Variants in VTA1 observed in about 807,000 individuals in gnomAD.
VTA1 encodes vesicle trafficking 1, also known as vacuolar protein sorting-associated protein VTA1 homolog.
A neutral mutation model predicts 36.9 loss-of-function variants in VTA1; 24 were observed. That is an observed-to-expected ratio of 0.65 (90% CI 0.47 to 0.91). The LOEUF (loss-of-function observed/expected upper bound fraction) is 0.91. Among genes scored for constraint, VTA1 ranks in the 40% least tolerant of loss-of-function variants. The pLI is 0.00. For synonymous variants in VTA1, 142 were observed against 130.2 expected (o/e 1.09, Z -0.62); for missense variants, 393 against 377.2 (o/e 1.04, Z -0.35).
intron 1 of VTA1, among the ~76,000 whole-genome samples, chr6:142,158,901 T>C (rs868023678): frequency 5.9e-5 from 9 of 152,306 alleles, no homozygotes; most frequent in Non-Finnish European, 8.8e-5. Context: ...TCCCCTCTCA[T>C]ATCCTTTGCC....
chr6:142,190,427 C>T (rs1466968086), intron 5 of VTA1, among the ~76,000 whole-genome samples: 1 of 151,784 alleles, frequency 6.6e-6, no homozygotes, highest in South Asian at 2.1e-4. Context: ...CTGTTCTGTA[C>T]CTGGCTATGT....
intron 4 of VTA1, among the ~76,000 whole-genome samples, chr6:142,170,774 C>T (rs1775015365): frequency 6.6e-6 from 1 of 151,958 alleles, no homozygotes; most frequent in African/African-American, 2.4e-5. Context: ...TCTGGGACTA[C>T]AGGCACAAGG....
At position 142,174,792 on chromosome 6, in the gene VTA1, C is replaced by T. The variant is rs151120202; in HGVS notation, c.411+4371C>T. The stretch of plus-strand genomic sequence containing the variant: ...CCATGGTAATAAGTGAGTTTTTGCC[C>T]TGTTATTTCACGTGAGAAGTGGTGG... On this transcript the variant is annotated intron_variant, in intron 4 of 7. Transcript: ENST00000367630. Among the ~76,000 whole-genome samples, 101 of 152,100 alleles carry T rather than the reference C, an allele frequency of 6.6e-4. No individual in the cohort carries two copies. In the East Asian group the frequency reaches 0.018, roughly 28 times the overall value.
chr6:142,217,561 T>C (rs1445636912), intron 7 of VTA1, among the ~76,000 whole-genome samples: 2 of 151,496 alleles, frequency 1.3e-5, no homozygotes, highest in East Asian at 1.9e-4. Context: ...TATTTGTGTA[T>C]ACACACACGC....
chr6:142,215,739 T>G (rs1404023251), intron 7 of VTA1, among the ~76,000 whole-genome samples: 2 of 152,242 alleles, frequency 1.3e-5, no homozygotes, highest in African/African-American at 4.8e-5. Flanking sequence ...TGGAAATATT[T>G]ACAAATAAGT....
intron 5 of VTA1, among the ~76,000 whole-genome samples, chr6:142,191,483 T>TA (rs1410039184): frequency 1.3e-5 from 2 of 152,246 alleles, no homozygotes; most frequent in South Asian, 2.1e-4. Flanking sequence ...TGTAGGCCCT[T>TA]ACGATTAATA....
intron 4 of VTA1, among the ~76,000 whole-genome samples, chr6:142,188,984 C>T (rs1775399761): frequency 6.6e-6 from 1 of 152,168 alleles, no homozygotes; most frequent in South Asian, 2.1e-4. Context: ...TTTGCTTTAA[C>T]CACCACATCT....
At chr6:142,165,496 T>G (rs1351962933) in intron 1 of VTA1, among the ~76,000 whole-genome samples, 1 of 152,234 alleles carries the variant, frequency 6.6e-6, no homozygotes, top group Non-Finnish European at 1.5e-5. Context: ...TAATGAAAAT[T>G]TGAGAGCTAC....
chr6:142,185,621 A>G (rs1205805045), intron 4 of VTA1, among the ~76,000 whole-genome samples: 10 of 152,214 alleles, frequency 6.6e-5, no homozygotes, highest in Admixed American at 6.5e-4. Flanking sequence ...TAATCTGGAA[A>G]AGTCAGTGCT....
At chr6:142,191,420 G>A (rs1341641142) in intron 5 of VTA1, among the ~76,000 whole-genome samples, 1 of 152,070 alleles carries the variant, frequency 6.6e-6, no homozygotes, top group Non-Finnish European at 1.5e-5. Flanking sequence ...TTTGAAAGTA[G>A]GAAGTGTGCA....
intron 4 of VTA1, among the ~76,000 whole-genome samples, chr6:142,189,083 T>G (rs865824497): frequency 9.8e-5 from 15 of 152,354 alleles, no homozygotes; most frequent in Non-Finnish European, 1.6e-4. Flanking sequence ...ATTTTTATAT[T>G]TAGTCTTAGA....
In VTA1 at chr6:142,156,225, A is replaced by T. The variant is rs77142029; in HGVS notation, c.112+8826A>T. Among the ~76,000 whole-genome samples, 951 of 152,056 alleles carry T rather than the reference A, an allele frequency of 6.3e-3. 12 individuals carry two copies. Among genetic ancestry groups the T allele is most frequent in the African/African-American group, 0.021 (885 of 41,492 alleles). ...AGACTCGAATAAACAAAGTCAGATT[A>T]AAAAAAACGGTTGAATGAAAAATTG... On this transcript the variant is annotated intron_variant, in intron 1 of 7. Transcript: ENST00000367630.
intron 4 of VTA1, among the ~76,000 whole-genome samples, chr6:142,178,308 AT>A (rs1475437758): frequency 1.3e-5 from 2 of 152,288 alleles, no homozygotes; most frequent in East Asian, 1.9e-4. Flanking sequence ...AAGAAAAAAA[AT>A]AAAACAAATG....
intron 4 of VTA1, among the ~76,000 whole-genome samples, chr6:142,184,508 C>T (rs1051258293): frequency 2.6e-5 from 4 of 151,858 alleles, no homozygotes; most frequent in African/African-American, 9.7e-5. Flanking sequence ...GTATCCCCAG[C>T]ACTTAGCATA....
At chr6:142,210,891 C>T (rs759743252) in intron 7 of VTA1, among the ~76,000 whole-genome samples, 2 of 151,548 alleles carry the variant, frequency 1.3e-5, no homozygotes, top group Non-Finnish European at 2.9e-5. Context: ...GCACTATTCA[C>T]GGTAGCCAAA....
intron 4 of VTA1, among the ~76,000 whole-genome samples, chr6:142,177,187 C>T (rs1775142761): frequency 6.6e-6 from 1 of 152,096 alleles, no homozygotes; most frequent in Non-Finnish European, 1.5e-5. Context: ...TTCCATGTGT[C>T]TTGTACTCAC....
At chr6:142,202,714 G>A (rs225686) in intron 6 of VTA1, among the ~76,000 whole-genome samples, 58,196 of 151,746 alleles carry the variant, frequency 0.38, 13,258 homozygotes, top group Middle Eastern at 0.54. Context: ...TGGACACACA[G>A]TTATTTGTAG....
intron 5 of VTA1, among the ~76,000 whole-genome samples, chr6:142,197,902 G>A (rs971614802): frequency 1.4e-5 from 2 of 146,720 alleles, no homozygotes; most frequent in African/African-American, 5.1e-5. Flanking sequence ...GTGAAACCCC[G>A]TCTCTACTAA....
chr6:142,171,373 G>C (rs1003039443), intron 4 of VTA1, among the ~76,000 whole-genome samples: 20 of 152,306 alleles, frequency 1.3e-4, no homozygotes, highest in African/African-American at 4.8e-4. Context: ...GGGATTACAG[G>C]CATGAGCCAA....
Sources: allele counts gnomAD v4.1 joint callset (sites outside exome capture counted in the v4.1 genomes callset), GRCh38; gene constraint gnomAD v4.1.1; transcripts MANE v1.5; gene names NCBI Gene and HGNC (gene_info 2026-07-23, HGNC 2026-07-21).